The following PCDH11X variants were observed in gnomAD, a reference collection of about 807,000 sequenced individuals.
PCDH11X encodes the protein protocadherin 11 X-linked, also known as protocadherin-11 X-linked.
PCDH11X carries 18 observed loss-of-function variants against 53.3 expected under a neutral mutation model. The observed-to-expected ratio is 0.34, with a 90% CI of 0.23 to 0.50. The LOEUF is 0.50. Among genes scored for constraint, PCDH11X ranks in the 20% least tolerant of loss-of-function variants. The pLI, the probability that PCDH11X is intolerant of heterozygous loss-of-function variation, is 0.98. For missense variants in PCDH11X, 570 were observed against 1,032.4 expected, an observed-to-expected ratio of 0.55 and a Z score of 6.14; for synonymous variants, 279 against 393.3, an observed-to-expected ratio of 0.71 and a Z score of 3.44.
chrX:91,821,226 T>C (rs1445855760), intron 4 of PCDH11X, among the ~76,000 whole-genome samples: 1 of 110,496 alleles, frequency 9.1e-6, no homozygotes, highest in Non-Finnish European at 1.9e-5. Context: ...ATTGGTAGCT[T>C]GATGGGGATG....
chrX:92,434,532 C>A (rs1185034618), intron 9 of PCDH11X, among the ~76,000 whole-genome samples: 1 of 110,430 alleles, frequency 9.1e-6, no homozygotes, highest in Non-Finnish European at 1.9e-5. Flanking sequence ...GAGCCACACT[C>A]AAAATTTAAA....
chrX:92,483,118 G>A (rs371991309), intron 10 of PCDH11X, among the ~76,000 whole-genome samples: 5 of 111,312 alleles, frequency 4.5e-5, no homozygotes, highest in East Asian at 5.7e-4. Flanking sequence ...CCCTGAAGCC[G>A]TATGACAAGA....
At chrX:92,051,703 G>A (rs1029866721) in intron 6 of PCDH11X, among the ~76,000 whole-genome samples, 15 of 111,566 alleles carry the variant, frequency 1.3e-4, no homozygotes, top group African/African-American at 3.9e-4. Flanking sequence ...AAATGGGTGT[G>A]AAGTATATTA....
intron 7 of PCDH11X, among the ~76,000 whole-genome samples, chrX:92,226,166 C>G (rs951476640): frequency 1.5e-4 from 17 of 111,530 alleles, no homozygotes; most frequent in African/African-American, 5.5e-4. Context: ...TAACAAAAGA[C>G]AGTTTAACAA....
At chrX:92,270,190 C>G (rs1336145964) in intron 8 of PCDH11X, among the ~76,000 whole-genome samples, 1 of 107,665 alleles carries the variant, frequency 9.3e-6, no homozygotes, top group Non-Finnish European at 1.9e-5. Context: ...CTCACTGAAA[C>G]CTCAGCCTCC....
chrX:92,417,633 A>G (rs1397527132), intron 9 of PCDH11X, among the ~76,000 whole-genome samples: 6 of 110,912 alleles, frequency 5.4e-5, no homozygotes, highest in Admixed American at 4.8e-4. Flanking sequence ...TTGTTAAACT[A>G]TATTTCTGCT....
At chrX:92,517,701 T>A (rs1252149542) in intron 10 of PCDH11X, among the ~76,000 whole-genome samples, 3 of 110,455 alleles carry the variant, frequency 2.7e-5, no homozygotes, top group African/African-American at 9.8e-5. Flanking sequence ...TCAAATTTAT[T>A]TTCTAAAGTA....
chrX:92,260,559 G>T (rs2067694838), intron 7 of PCDH11X, among the ~76,000 whole-genome samples: 1 of 110,620 alleles, frequency 9.0e-6, no homozygotes, highest in African/African-American at 3.3e-5. Flanking sequence ...GGTATTATGA[G>T]GGCACACCTG....
chrX:91,972,552 G>C lies in PCDH11X; in HGVS notation c.3033+93279G>C, dbSNP rs758026972. 2.1e-3 allele frequency among the ~76,000 whole-genome samples: 233 copies of C among 109,836 alleles called. 2 individuals are homozygous for C. The highest frequency in any genetic ancestry group is 1.1e-3 in the East Asian group (4 of 3,496). ...CCTACATCCTGAATGGTAATGCCTAGGTTTTCTTCTAGGGTTTTTATGGTT... is the reference window on the plus strand; with the variant it reads ...CCTACATCCTGAATGGTAATGCCTACGTTTTCTTCTAGGGTTTTTATGGTT... On this transcript the variant is annotated intron_variant, in intron 6 of 10. Coordinates refer to ENST00000682573, the MANE Select transcript of PCDH11X (RefSeq NM_032968.5).
intron 6 of PCDH11X, among the ~76,000 whole-genome samples, chrX:92,195,306 A>G (rs953626060): frequency 1.3e-4 from 14 of 111,359 alleles, no homozygotes; most frequent in Non-Finnish European, 1.5e-4. Flanking sequence ...GATTAAGATA[A>G]AAGATCTAAT....
At chrX:92,357,825 T>C (rs2070247018) in intron 8 of PCDH11X, among the ~76,000 whole-genome samples, 1 of 111,423 alleles carries the variant, frequency 9.0e-6, no homozygotes, top group Non-Finnish European at 1.9e-5. Flanking sequence ...TTCAGTGTTA[T>C]GTCTGTTTTT....
intron 10 of PCDH11X, among the ~76,000 whole-genome samples, chrX:92,579,724 C>A (rs1923421440): frequency 9.0e-6 from 1 of 111,663 alleles, no homozygotes; most frequent in African/African-American, 3.3e-5. Flanking sequence ...TATTACCTAC[C>A]TTCTGAAACC....
chrX:92,484,528 A>C (rs1200923911), intron 10 of PCDH11X, among the ~76,000 whole-genome samples: 23 of 108,292 alleles, frequency 2.1e-4, no homozygotes, highest in Non-Finnish European at 2.5e-4. Flanking sequence ...ATATATGTAC[A>C]TACCATGGAA....
chrX:92,273,948 C>A (rs772075030), intron 8 of PCDH11X, among the ~76,000 whole-genome samples: 7 of 109,249 alleles, frequency 6.4e-5, no homozygotes, highest in Admixed American at 2.0e-4. Context: ...GGGATAGCAC[C>A]AGGAGATATC....
At chrX:92,555,575 G>A (rs1398800107) in intron 10 of PCDH11X, among the ~76,000 whole-genome samples, 1 of 111,708 alleles carries the variant, frequency 9.0e-6, no homozygotes, top group Non-Finnish European at 1.9e-5. Flanking sequence ...GTTTGGAGAC[G>A]TCTGAGGTCT....
intron 6 of PCDH11X, among the ~76,000 whole-genome samples, chrX:92,110,290 C>T (rs2064475361): frequency 9.2e-6 from 1 of 108,918 alleles, no homozygotes; most frequent in Admixed American, 9.9e-5. Flanking sequence ...AAATCTTAGA[C>T]TAAGATTTCA....
At chrX:91,839,731 G>A (rs1229324926) in intron 5 of PCDH11X, among the ~76,000 whole-genome samples, 3 of 110,954 alleles carry the variant, frequency 2.7e-5, no homozygotes, top group African/African-American at 6.5e-5. Context: ...ACTTTGATGC[G>A]ATTAATTTTC....
At chrX:92,506,524 G>A (rs2074064458) in intron 10 of PCDH11X, among the ~76,000 whole-genome samples, 3 of 104,107 alleles carry the variant, frequency 2.9e-5, no homozygotes, top group Admixed American at 2.1e-4. Context: ...CTGTTTATAT[G>A]ATGAATCATA....
At chrX:92,551,936 T>C (rs2074962730) in intron 10 of PCDH11X, among the ~76,000 whole-genome samples, 1 of 100,737 alleles carries the variant, frequency 9.9e-6, no homozygotes, top group East Asian at 3.1e-4. Flanking sequence ...CAGGCTGTGT[T>C]GGTTACTATA....
Sources: allele counts gnomAD v4.1 joint callset (sites outside exome capture counted in the v4.1 genomes callset), GRCh38; gene constraint gnomAD v4.1.1; transcripts MANE v1.5; gene names NCBI Gene and HGNC (gene_info 2026-07-23, HGNC 2026-07-21).